SEC14L1: variants seen among roughly 807,000 people sequenced by gnomAD.
SEC14L1 encodes SEC14-like protein 1.
In SEC14L1, 48 loss-of-function variants were observed where a neutral mutation model predicts 85.3. The observed-to-expected ratio is 0.56, with a 90% CI of 0.45 to 0.72. The LOEUF (loss-of-function observed/expected upper bound fraction) is 0.72, where lower values mean the gene tolerates loss of function less well. Ranked by LOEUF, SEC14L1 falls within the 30% of genes least tolerant of loss-of-function variation. The probability of loss-of-function intolerance (pLI) is 0.00; values close to 1 mark genes in which losing one functional copy is unlikely to be tolerated. For missense variants in SEC14L1, 682 were observed against 921.4 expected, an observed-to-expected ratio of 0.74 and a Z score of 3.36; for synonymous variants, 391 against 355.5, an observed-to-expected ratio of 1.10 and a Z score of -1.12.
chr17:77,136,097 G>T (rs904974484), upstream of SEC14L1, among the ~76,000 whole-genome samples: 3 of 151,596 alleles, frequency 2.0e-5, no homozygotes, highest in Non-Finnish European at 4.4e-5. Context: ...GGATGGTTTC[G>T]ATCTCCTGAC....
intron 3 of SEC14L1, among the ~76,000 whole-genome samples, chr17:77,188,819 C>G (rs1189920954): frequency 1.3e-5 from 2 of 152,168 alleles, no homozygotes; most frequent in African/African-American, 4.8e-5. Flanking sequence ...TTTAGCCATT[C>G]TGATAGTTGT....
At position 77,198,661 on chromosome 17, in the gene SEC14L1, G is replaced by A. The variant is rs371017257; in HGVS notation, c.820-1823G>A. Among the ~76,000 whole-genome samples, 8 of 150,494 alleles carry A rather than the reference G, an allele frequency of 5.3e-5. No individual in the cohort carries two copies. The East Asian group carries it at 5.9e-4, about 11-fold the overall frequency. On this transcript the variant is annotated intron_variant, in intron 8 of 16. Transcript: ENST00000436233. ...GCGATCTCGGCTCACTGCAAGATCC[G>A]CCTCCTGGGTTCACGCCATTCTTCT...
At chr17:77,153,717 T>G (rs1973675610) in intron 3 of SEC14L1, among the ~76,000 whole-genome samples, 1 of 152,120 alleles carries the variant, frequency 6.6e-6, no homozygotes, top group Admixed American at 6.6e-5. Context: ...CCAGTTGTGC[T>G]GGGCAGTCAG....
chr17:77,112,629 TAA>T (rs1972072408), intron 3 of SEC14L1, among the ~76,000 whole-genome samples: 1 of 152,186 alleles, frequency 6.6e-6, no homozygotes, highest in African/African-American at 2.4e-5. Context: ...CTCACACCTG[TAA>T]TCCCAGCACT....
chr17:77,123,446 G>C (rs1327418912), intron 3 of SEC14L1, among the ~76,000 whole-genome samples: 2 of 109,096 alleles, frequency 1.8e-5, no homozygotes, highest in African/African-American at 8.7e-5. Flanking sequence ...GAGCATCACT[G>C]TGTTGCCCAG....
At chr17:77,175,607 T>C (rs1240552654) in intron 3 of SEC14L1, among the ~76,000 whole-genome samples, 6 of 152,232 alleles carry the variant, frequency 3.9e-5, no homozygotes, top group Non-Finnish European at 5.9e-5. Flanking sequence ...TTCATTGTAT[T>C]TCTTAGATAA....
chr17:77,096,480 C>T (rs541359008), intron 3 of SEC14L1, among the ~76,000 whole-genome samples: 65 of 151,790 alleles, frequency 4.3e-4, no homozygotes, highest in African/African-American at 1.5e-3. Context: ...CCGCATGAAC[C>T]TGGGAGGCAG....
intron 3 of SEC14L1, among the ~76,000 whole-genome samples, chr17:77,102,071 C>T (rs556175167): frequency 6.6e-6 from 1 of 152,300 alleles, no homozygotes; most frequent in East Asian, 1.9e-4. Flanking sequence ...AAAACAAAAT[C>T]CCCCAACCCA....
Position 77,213,751 on chromosome 17 carries a change from C to G in SEC14L1, c.2043-167C>G, listed in dbSNP as rs1976894673. Reference sequence around the variant, plus strand: ...CCGTCTGCGTGCAGGCTGTGGGAAGCCGGTCCCCCTGGTGGGTTACTCATG... The same window carrying G: ...CCGTCTGCGTGCAGGCTGTGGGAAGGCGGTCCCCCTGGTGGGTTACTCATG... On this transcript the variant is annotated intron_variant, in intron 16 of 16. Transcript: ENST00000436233. The surrounding 1 kb of genome is among the most constrained non-coding windows in gnomAD (Gnocchi z 7.1). 2 of 948,390 alleles carry G rather than the reference C, an allele frequency of 2.1e-6. No individual in the cohort carries two copies. The highest frequency in any genetic ancestry group is 1.6e-5 in the African/African-American group (1 of 61,822). 58.7% of individuals were successfully genotyped at this position (948,390 alleles called of 1,614,324 possible).
At chr17:77,185,172 C>T (rs540919317) in intron 3 of SEC14L1, 43 of 979,490 alleles carry the variant, frequency 4.4e-5, no homozygotes, top group South Asian at 3.3e-4. Flanking sequence ...TTGAAGTCCT[C>T]GTTCTCCTGA....
intron 3 of SEC14L1, among the ~76,000 whole-genome samples, chr17:77,105,373 A>AACCC (rs1555614076): frequency 4.9e-5 from 4 of 82,454 alleles, no homozygotes; most frequent in Non-Finnish European, 7.1e-5. Context: ...CTCGCTGACC[A>AACCC]CCCCCCCCCC....
At chr17:77,198,719 A>G (rs932502558) in intron 8 of SEC14L1, among the ~76,000 whole-genome samples, 2 of 151,426 alleles carry the variant, frequency 1.3e-5, no homozygotes, top group African/African-American at 2.4e-5. Context: ...GGACTCAGGC[A>G]CCCGCCACCA....
At chr17:77,209,506 C>T (rs779844127) in intron 14 of SEC14L1, 30 bp downstream of exon 14, 34 of 1,608,958 alleles carry the variant, frequency 2.1e-5, no homozygotes, top group South Asian at 1.3e-4. Context: ...GCACCTGGGC[C>T]GGCCCTTCCT....
intron 3 of SEC14L1, among the ~76,000 whole-genome samples, chr17:77,167,041 C>T (rs1974312497): frequency 6.6e-6 from 1 of 152,048 alleles, no homozygotes; most frequent in Non-Finnish European, 1.5e-5. Context: ...TGTCCTCAGC[C>T]CTGTGCCTGT....
chr17:77,196,412 C>T (rs770532740), intron 8 of SEC14L1, 101 bp downstream of exon 8: 17 of 678,112 alleles, frequency 2.5e-5, no homozygotes, highest in African/African-American at 3.7e-5. Flanking sequence ...CCAACTTCCA[C>T]GGCTGGGAAT....
chr17:77,170,422 G>A (rs191869346), intron 3 of SEC14L1, among the ~76,000 whole-genome samples: 1 of 152,248 alleles, frequency 6.6e-6, no homozygotes, highest in Non-Finnish European at 1.5e-5. Context: ...TCCAACTTCT[G>A]ACGAGGACGT....
upstream of SEC14L1, among the ~76,000 whole-genome samples, chr17:77,136,947 T>G (rs1343623123): frequency 1.3e-5 from 2 of 151,916 alleles, no homozygotes; most frequent in African/African-American, 4.8e-5. Context: ...TTCGCTCTTG[T>G]TGCCCAGGCT....
At chr17:77,188,322 CG>C (rs1975364451) in intron 3 of SEC14L1, among the ~76,000 whole-genome samples, 1 of 152,096 alleles carries the variant, frequency 6.6e-6, no homozygotes, top group Non-Finnish European at 1.5e-5. Context: ...TCCTTAGCCC[CG>C]GCAACCACTC....
chr17:77,192,526 T>G (rs1388269135), intron 5 of SEC14L1, among the ~76,000 whole-genome samples: 1 of 152,180 alleles, frequency 6.6e-6, no homozygotes, highest in Non-Finnish European at 1.5e-5. Flanking sequence ...GGGCTTTGGC[T>G]CCAAGGTGCT....
Sources: gnomAD v4.1 joint callset for allele counts (sites outside exome capture counted in the v4.1 genomes callset) on GRCh38, gnomAD v4.1.1 for gene constraint, Gnocchi (gnomAD v3.1) non-coding constraint, MANE v1.5 for transcripts, NCBI Gene and HGNC (gene_info 2026-07-23, HGNC 2026-07-21) for gene names.